GLP2R: variants seen among roughly 807,000 people sequenced by gnomAD.
GLP2R encodes the protein glucagon-like peptide 2 receptor.
A neutral mutation model predicts 68.2 loss-of-function variants in GLP2R; 59 were observed. The observed-to-expected ratio is 0.87, with a 90% CI of 0.70 to 1.07. The LOEUF is 1.07. Ranked by LOEUF, GLP2R falls within the 50% of genes least tolerant of loss-of-function variation. GLP2R has a pLI of 0.00. For synonymous variants in GLP2R, 270 were observed against 265.4 expected, an observed-to-expected ratio of 1.02 and a Z score of -0.17; for missense variants, 548 against 677.4, an observed-to-expected ratio of 0.81 and a Z score of 2.12.
chr17:9,828,941 ATGGCCTTACTCT>A (rs1451538666), intron 1 of GLP2R, among the ~76,000 whole-genome samples: 8 of 152,034 alleles, frequency 5.3e-5, no homozygotes, highest in Non-Finnish European at 1.5e-5. Context: ...TGTAATTCTG[ATGGCCTTACTCT>A]TGGTTCTCCA....
chr17:9,868,869 G>C (rs1163581434), intron 9 of GLP2R, among the ~76,000 whole-genome samples: 3 of 152,138 alleles, frequency 2.0e-5, no homozygotes, highest in Non-Finnish European at 4.4e-5. Context: ...AGCTTGCTTT[G>C]TAAGAAAAAT....
chr17:9,826,287 T>A (rs765261741), intron 1 of GLP2R, 35 bp downstream of exon 1: 2 of 1,463,020 alleles, frequency 1.4e-6, no homozygotes, highest in Non-Finnish European at 1.8e-6. Context: ...TATTATCAGT[T>A]GTATTTCCTG....
Position 9,890,095 on chromosome 17 carries a change from C to T in GLP2R, c.*390C>T, listed in dbSNP as rs1430475100. 10 of 457,914 alleles carry T rather than the reference C, an allele frequency of 2.2e-5. No individual in the cohort carries two copies. Among genetic ancestry groups the T allele is most frequent in the Admixed American group, 4.7e-5 (2 of 42,176 alleles). 28.4% of individuals were successfully genotyped at this position (457,914 alleles called of 1,614,324 possible). A position where few individuals can be genotyped will look rare whatever the true frequency, so the allele number is the denominator to read the frequency against. On this transcript the variant is annotated 3_prime_UTR_variant, in exon 13 of 13. Transcript: ENST00000262441. Reference sequence around the variant, plus strand: ...TCCATCTGAGGTTGGGTTTAGGGTGCGTGAAAACCTCCTAGGAAGCTTTTA... The same window carrying T: ...TCCATCTGAGGTTGGGTTTAGGGTGTGTGAAAACCTCCTAGGAAGCTTTTA...
At chr17:9,866,026 A>G (rs569143492) in intron 9 of GLP2R, 29 of 422,452 alleles carry the variant, frequency 6.9e-5, no homozygotes, top group South Asian at 4.7e-4. Context: ...TGCCCTCCCA[A>G]TCTGCACAGC....
intron 9 of GLP2R, chr17:9,866,555 A>AGCCCAGACTT (rs1248052438): frequency 6.6e-6 from 1 of 152,524 alleles, no homozygotes; most frequent in East Asian, 1.9e-4. Flanking sequence ...AAAAATACCC[A>AGCCCAGACTT]GCCCAGACTT....
At chr17:9,865,791 C>T (rs977246846) in intron 9 of GLP2R, 1 of 470,824 alleles carries the variant, frequency 2.1e-6, no homozygotes, top group Non-Finnish European at 4.4e-6. Flanking sequence ...ACCCTCAGCT[C>T]TTAGAGAGGA....
chr17:9,854,492 C>T lies in GLP2R; in HGVS notation c.505-3C>T. ...GTCATGTCTGCTCTTCCTCTGTGTT[C>T]AGGTGGATCGTTATGCCTTGCTGTC... is the stretch of plus-strand genomic sequence containing the variant. On this transcript the variant is annotated splice_region_variant and splice_polypyrimidine_tract_variant and intron_variant, in intron 4 of 12. Transcript: ENST00000262441. 6.3e-7 allele frequency: 1 copy of T among 1,577,852 alleles called. No homozygotes were observed. Among genetic ancestry groups the T allele is most frequent in the South Asian group, 1.1e-5 (1 of 90,344 alleles).
intron 1 of GLP2R, among the ~76,000 whole-genome samples, chr17:9,826,465 C>T (rs553180894): frequency 1.3e-5 from 2 of 151,976 alleles, no homozygotes; most frequent in South Asian, 4.2e-4. Flanking sequence ...TTTTTTTTTA[C>T]AACAGCTGAT....
At chr17:9,846,063 C>T (rs2066835648) in intron 4 of GLP2R, among the ~76,000 whole-genome samples, 1 of 152,078 alleles carries the variant, frequency 6.6e-6, no homozygotes, top group Non-Finnish European at 1.5e-5. Flanking sequence ...TCATCGAATA[C>T]ATCAACTTTA....
At chr17:9,876,430 T>C (rs2067142927) in intron 10 of GLP2R, among the ~76,000 whole-genome samples, 1 of 152,240 alleles carries the variant, frequency 6.6e-6, no homozygotes, top group Admixed American at 6.5e-5. Context: ...CTAGGTTTAA[T>C]GCACAGTGGA....
At chr17:9,853,191 G>A (rs2066907322) in intron 4 of GLP2R, 2 of 388,392 alleles carry the variant, frequency 5.1e-6, no homozygotes, top group South Asian at 5.8e-5. Flanking sequence ...GATAAGTGGT[G>A]TTCCTTTTCA....
chr17:9,889,462 C>A lies in GLP2R; in HGVS notation c.1419C>A (p.Phe473Leu). The change falls in exon 13 of 13, where the codon TTC becomes TTA. Residue 473 changes from phenylalanine to leucine, a missense_variant. Phe to Leu is a conservative substitution (Grantham distance 22). Coordinates refer to ENST00000262441, the MANE Select transcript of GLP2R (RefSeq NM_004246.3). Reference protein sequence around the residue: ...RACVLGKDFRFLGKCPKKLSE... With the variant: ...RACVLGKDFRLLGKCPKKLSE... ...GTGTCCTGGGGAAGGACTTCCGGTT[C>A]CTAGGAAAATGTCCCAAGAAGCTCT... 1 of 1,614,112 alleles carries A rather than the reference C, an allele frequency of 6.2e-7. No homozygotes were observed. Among genetic ancestry groups the A allele is most frequent in the Middle Eastern group, 1.6e-4 (1 of 6,062 alleles).
chr17:9,829,604 A>G (rs2066662534), intron 1 of GLP2R, among the ~76,000 whole-genome samples: 1 of 152,138 alleles, frequency 6.6e-6, no homozygotes, highest in Admixed American at 6.6e-5. Context: ...TACTTCATTT[A>G]TTATTTATTT....
At position 9,830,317 on chromosome 17, in the gene GLP2R, C is replaced by T. The variant is rs560065381; in HGVS notation, c.190-3490C>T. Among the ~76,000 whole-genome samples the T allele has an allele frequency of 1.6e-4, 25 of 152,266 alleles. No homozygotes were observed. In the East Asian group the frequency reaches 2.5e-3, roughly 15 times the overall value. The stretch of plus-strand genomic sequence containing the variant: ...CCTGGGGTCATAAATAGTACTTTGT[C>T]CACCAATGGATCTTACACTGATGAC... On this transcript the variant is annotated intron_variant, in intron 1 of 12. Coordinates refer to ENST00000262441, the MANE Select transcript of GLP2R (RefSeq NM_004246.3).
intron 4 of GLP2R, among the ~76,000 whole-genome samples, chr17:9,845,810 GC>G (rs34882462): frequency 0.088 from 13,258 of 151,200 alleles, 879 homozygotes; most frequent in African/African-American, 0.18. Context: ...CAAAAACCTA[GC>G]TTTTTGTTAA....
At chr17:9,838,287 T>C (rs1230087886) in intron 3 of GLP2R, among the ~76,000 whole-genome samples, 1 of 152,158 alleles carries the variant, frequency 6.6e-6, no homozygotes, top group Non-Finnish European at 1.5e-5. Context: ...CACTTCCTCA[T>C]CTATGAAGGG....
chr17:9,888,570 G>T (rs1461780904), intron 12 of GLP2R, among the ~76,000 whole-genome samples: 2 of 152,118 alleles, frequency 1.3e-5, no homozygotes, highest in African/African-American at 4.8e-5. Context: ...AGATTCAAGC[G>T]ATTCTCATGC....
At chr17:9,831,740 C>T (rs2066681450) in intron 1 of GLP2R, among the ~76,000 whole-genome samples, 1 of 152,184 alleles carries the variant, frequency 6.6e-6, no homozygotes, top group Non-Finnish European at 1.5e-5. Context: ...CAGCTCTGGC[C>T]TGTTCTCCTG....
chr17:9,885,294 A>G (rs930360062), intron 11 of GLP2R, among the ~76,000 whole-genome samples: 1 of 151,824 alleles, frequency 6.6e-6, no homozygotes, highest in Non-Finnish European at 1.5e-5. Context: ...GGTTCAAGCC[A>G]TTCTCCTGCC....
Sources: allele counts gnomAD v4.1 joint callset (sites outside exome capture counted in the v4.1 genomes callset), GRCh38; gene constraint gnomAD v4.1.1; transcripts MANE v1.5; gene names NCBI Gene and HGNC (gene_info 2026-07-23, HGNC 2026-07-21).